The following ARNT2 variants were observed in gnomAD, a reference collection of about 807,000 sequenced individuals.
ARNT2 encodes the protein ARNT protein 2.
ARNT2 carries 36 observed loss-of-function variants against 91.7 expected under a neutral mutation model. That is an observed-to-expected ratio of 0.39 (90% CI 0.30 to 0.52). The LOEUF is 0.52. ARNT2 is among the 20% of genes least tolerant of loss of function. The pLI is 0.72. For synonymous variants in ARNT2, 365 were observed against 347.1 expected (o/e 1.05, Z -0.57); for missense variants, 775 against 939.3 (o/e 0.83, Z 2.29).
At chr15:80,522,798 A>ATG (rs367547537) in intron 8 of ARNT2, among the ~76,000 whole-genome samples, 2,820 of 142,166 alleles carry the variant, frequency 0.02, 35 homozygotes, top group East Asian at 0.061. Flanking sequence ...ATATTTACAT[A>ATG]TGTGTGTGTG....
chr15:80,449,071 A>G (rs1170559891), intron 1 of ARNT2, among the ~76,000 whole-genome samples: 3 of 150,976 alleles, frequency 2.0e-5, no homozygotes, highest in Non-Finnish European at 4.5e-5. Context: ...CCATTTTTAA[A>G]GTTTCCACAA....
At chr15:80,467,786 C>T (rs1896677170) in intron 3 of ARNT2, among the ~76,000 whole-genome samples, 1 of 152,144 alleles carries the variant, frequency 6.6e-6, no homozygotes, top group Admixed American at 6.5e-5. Flanking sequence ...GCCTTTCTTG[C>T]TGCACCTTGG....
chr15:80,405,890 A>AAGAGAGAGAGAGACAGAGAG (rs1555453845), intron 1 of ARNT2, among the ~76,000 whole-genome samples: 1 of 151,266 alleles, frequency 6.6e-6, no homozygotes, highest in African/African-American at 2.5e-5. Context: ...TAAAATAGAA[A>AAGAGAGAGAGAGACAGAGAG]AGAGAGAGAG....
chr15:80,444,355 G>GGT (rs59533738), intron 1 of ARNT2: 7,808 of 150,516 alleles, frequency 0.052, 370 homozygotes, highest in East Asian at 0.14. Flanking sequence ...GTGTGTACGT[G>GGT]GTGTGTGTGT....
rs146345476 is a variant in ARNT2 at position 80,425,757 on chromosome 15, T to C, written c.31+21211T>C. ...TTTGTTTGTTTGTTTTGAAAATCTA[T>C]AGGAAGGGGGCCAGGCATAGTAGCT... is the stretch of plus-strand genomic sequence containing the variant. On this transcript the variant is annotated intron_variant, in intron 1 of 18. Transcript: ENST00000303329. 1.8e-3 allele frequency among the ~76,000 whole-genome samples: 275 copies of C among 152,122 alleles called. 2 individuals are homozygous for C. The highest frequency in any genetic ancestry group is 4.6e-3 in the South Asian group (22 of 4,808).
chr15:80,429,562 A>G (rs1190791387), intron 1 of ARNT2, among the ~76,000 whole-genome samples: 2 of 152,352 alleles, frequency 1.3e-5, no homozygotes, highest in East Asian at 3.9e-4. Flanking sequence ...CATAACAGAA[A>G]GTGGTTCTGG....
At chr15:80,593,032 C>T (rs1893308221) in intron 18 of ARNT2, among the ~76,000 whole-genome samples, 1 of 152,210 alleles carries the variant, frequency 6.6e-6, no homozygotes, top group South Asian at 2.1e-4. Context: ...TTCAACAGAA[C>T]ACATGTTGGG....
chr15:80,494,756 G>T (rs57338616), intron 5 of ARNT2, among the ~76,000 whole-genome samples: 51,731 of 152,000 alleles, frequency 0.34, 9,324 homozygotes, highest in Non-Finnish European at 0.38. Flanking sequence ...CGAGGTGGGA[G>T]AGGTGGTATG....
At chr15:80,470,110 C>T (rs1896711920) in intron 3 of ARNT2, 108 bp from the exon 4 acceptor site, 2 of 1,171,600 alleles carry the variant, frequency 1.7e-6, no homozygotes, top group Non-Finnish European at 1.2e-6. Context: ...GGTGTTAGCC[C>T]CTAGTTCCTG....
At chr15:80,538,602 G>T (rs995547858) in intron 8 of ARNT2, among the ~76,000 whole-genome samples, 1 of 152,072 alleles carries the variant, frequency 6.6e-6, no homozygotes, top group Non-Finnish European at 1.5e-5. Flanking sequence ...ATGTTTAGAG[G>T]AAACCTGTGG....
rs183248745 is a variant in ARNT2, at chr15:80,582,914, G to A, written c.1918+1510G>A. Among the ~76,000 whole-genome samples, 237 of 152,252 alleles carry A rather than the reference G, an allele frequency of 1.6e-3. 1 individual carries two copies. The highest frequency in any genetic ancestry group is 5.3e-3 in the African/African-American group (222 of 41,528). ...CTTCTCCACATCTGGTTCCCCACCC[G>A]GGTGTGGAGAGACCCCTTCACCTCC... On this transcript the variant is annotated intron_variant, in intron 17 of 18. Transcript: ENST00000303329.
At chr15:80,524,651 C>T (rs184091452) in intron 8 of ARNT2, among the ~76,000 whole-genome samples, 300 of 152,076 alleles carry the variant, frequency 2.0e-3, no homozygotes, top group African/African-American at 6.8e-3. Context: ...CCGAGGCGGG[C>T]GATTCATGAG....
At chr15:80,414,759 CTCTCTCTCT>C (rs1386245993) in intron 1 of ARNT2, among the ~76,000 whole-genome samples, 2 of 135,902 alleles carry the variant, frequency 1.5e-5, no homozygotes, top group Non-Finnish European at 3.1e-5. Flanking sequence ...CAGCTGTGTT[CTCTCTCTCT>C]TTTTTTTTTT....
chr15:80,420,022 C>T (rs1895839696), intron 1 of ARNT2, among the ~76,000 whole-genome samples: 2 of 152,202 alleles, frequency 1.3e-5, no homozygotes, highest in South Asian at 2.1e-4. Context: ...GTCACAGCAC[C>T]CGCACCTCCC....
intron 17 of ARNT2, among the ~76,000 whole-genome samples, chr15:80,587,569 C>T (rs576244621): frequency 6.6e-6 from 1 of 152,148 alleles, no homozygotes; most frequent in Non-Finnish European, 1.5e-5. Context: ...AGAATGATAG[C>T]ATTGAGCTTC....
At chr15:80,587,287 G>A (rs1044817537) in intron 17 of ARNT2, among the ~76,000 whole-genome samples, 1 of 151,148 alleles carries the variant, frequency 6.6e-6, no homozygotes, top group Non-Finnish European at 1.5e-5. Context: ...GTTGTGGGGG[G>A]GCTATCTCTT....
intron 8 of ARNT2, among the ~76,000 whole-genome samples, chr15:80,541,199 G>A (rs1897899323): frequency 6.6e-6 from 1 of 152,126 alleles, no homozygotes; most frequent in Non-Finnish European, 1.5e-5. Context: ...GTGTGAGATG[G>A]TATCTCTGCG....
At chr15:80,426,998 A>G (rs1452104535) in intron 1 of ARNT2, among the ~76,000 whole-genome samples, 2 of 152,166 alleles carry the variant, frequency 1.3e-5, no homozygotes, top group Non-Finnish European at 2.9e-5. Flanking sequence ...ATGACCTCAT[A>G]TAAGCCTTAT....
At chr15:80,558,706 A>G (rs1358288513) in intron 11 of ARNT2, among the ~76,000 whole-genome samples, 1 of 152,200 alleles carries the variant, frequency 6.6e-6, no homozygotes, top group African/African-American at 2.4e-5. Flanking sequence ...GTGGCTCTCA[A>G]CAAAGCAATC....
Sources: gnomAD v4.1 joint callset for allele counts (sites outside exome capture counted in the v4.1 genomes callset) on GRCh38, gnomAD v4.1.1 for gene constraint, MANE v1.5 for transcripts, NCBI Gene and HGNC (gene_info 2026-07-23, HGNC 2026-07-21) for gene names.